The following RPIA variants were observed in gnomAD, a reference collection of about 807,000 sequenced individuals.
The protein encoded by RPIA is ribose 5-phosphate isomerase A, also known as ribose-5-phosphate isomerase.
Under a neutral mutation model 37.8 loss-of-function variants are expected in RPIA, and 29 were observed. The observed-to-expected ratio is 0.77, with a 90% CI of 0.57 to 1.05. The LOEUF (loss-of-function observed/expected upper bound fraction) is 1.05, where lower values mean the gene tolerates loss of function less well. Among genes scored for constraint, RPIA ranks in the 50% least tolerant of loss-of-function variants. The probability of loss-of-function intolerance (pLI) is 0.00; values close to 1 mark genes in which losing one functional copy is unlikely to be tolerated. For missense variants in RPIA, 385 were observed against 413.6 expected, an observed-to-expected ratio of 0.93 and a Z score of 0.60; for synonymous variants, 167 against 157.0, an observed-to-expected ratio of 1.06 and a Z score of -0.48.
chr2:88,746,857 A>T (rs1484034625), intron 8 of RPIA, among the ~76,000 whole-genome samples: 1 of 151,890 alleles, frequency 6.6e-6, no homozygotes, highest in South Asian at 2.1e-4. Flanking sequence ...TTCTGTTACG[A>T]GTTTCTGTAG....
chr2:88,738,841 T>A (rs1445987209), intron 8 of RPIA, among the ~76,000 whole-genome samples: 1 of 152,178 alleles, frequency 6.6e-6, no homozygotes, highest in Non-Finnish European at 1.5e-5. Flanking sequence ...TGAGAAAGGT[T>A]AAGCCATTTG....
intron 3 of RPIA, among the ~76,000 whole-genome samples, chr2:88,707,889 G>T (rs1672915877): frequency 6.6e-6 from 1 of 152,184 alleles, no homozygotes; most frequent in African/African-American, 2.4e-5. Context: ...CCTAAGTGGG[G>T]GCCTCTTGAT....
At chr2:88,745,216 G>T (rs1321204643) in intron 8 of RPIA, among the ~76,000 whole-genome samples, 5 of 152,100 alleles carry the variant, frequency 3.3e-5, no homozygotes, top group Middle Eastern at 3.2e-3. Flanking sequence ...TGCCTTGGCC[G>T]CCCACCAAGC....
At chr2:88,740,025 A>G (rs573213086) in intron 8 of RPIA, among the ~76,000 whole-genome samples, 16 of 152,340 alleles carry the variant, frequency 1.1e-4, no homozygotes, top group African/African-American at 3.8e-4. Flanking sequence ...TTCCCTCTTT[A>G]GTGGAAGAAC....
intron 8 of RPIA, 71 bp from the exon 9 acceptor site, chr2:88,749,910 C>T (rs1198170428): frequency 9.7e-7 from 1 of 1,032,368 alleles, no homozygotes; most frequent in Non-Finnish European, 1.5e-6. Flanking sequence ...TTCTAGTGAC[C>T]CTGCAGTCTT....
intron 1 of RPIA, 78 bp downstream of exon 1, chr2:88,692,061 C>T: frequency 6.7e-7 from 1 of 1,498,500 alleles, no homozygotes; most frequent in Non-Finnish European, 8.9e-7. Context: ...TGGGTGCTGC[C>T]GGGGCGCGCC....
intron 1 of RPIA, among the ~76,000 whole-genome samples, chr2:88,697,550 C>A (rs2104070210): frequency 6.6e-6 from 1 of 152,286 alleles, no homozygotes; most frequent in African/African-American, 2.4e-5. Context: ...CTTTGGTCTG[C>A]TTGCAGGTAC....
chr2:88,702,733 A>G lies in RPIA; in HGVS notation c.402+2669A>G, dbSNP rs183479335. 1.9e-3 allele frequency among the ~76,000 whole-genome samples: 291 copies of G among 152,264 alleles called. 1 individual carries two copies. The highest frequency in any genetic ancestry group is 9.3e-4 in the Non-Finnish European group (63 of 68,006). Reference sequence around the variant, plus strand: ...TGCAGCCAGCTCTGGAGCCTGCCAAATCTCATGTCCTTGCATTTCAAAACC... The same window carrying G: ...TGCAGCCAGCTCTGGAGCCTGCCAAGTCTCATGTCCTTGCATTTCAAAACC... On this transcript the variant is annotated intron_variant, in intron 3 of 8. Coordinates refer to ENST00000283646, the MANE Select transcript of RPIA (RefSeq NM_144563.3).
chr2:88,719,870 G>A (rs893131473), intron 3 of RPIA, among the ~76,000 whole-genome samples: 1 of 152,150 alleles, frequency 6.6e-6, no homozygotes, highest in Non-Finnish European at 1.5e-5. Flanking sequence ...TGACCCAGGT[G>A]CCCATATGCT....
intron 1 of RPIA, among the ~76,000 whole-genome samples, chr2:88,694,546 T>A (rs1676988636): frequency 6.6e-6 from 1 of 152,194 alleles, no homozygotes; most frequent in Non-Finnish European, 1.5e-5. Flanking sequence ...ACACACACAA[T>A]GTTTTTATCC....
chr2:88,699,927 G>A, intron 2 of RPIA, 82 bp from the exon 3 acceptor site: 2 of 1,436,918 alleles, frequency 1.4e-6, no homozygotes, highest in East Asian at 4.5e-5. Context: ...TCCCTTGTCT[G>A]TTGGTTTCGA....
chr2:88,691,907 C>A lies in RPIA; in HGVS notation c.209C>A (p.Pro70Gln). ...TSCGDSNSIC[P>Q]APSTMSKAEE... Reference sequence around the variant, plus strand: ...TGCGGGGACTCCAACAGCATCTGCCCGGCCCCCTCCACGATGTCCAAGGCC... The same window carrying A: ...TGCGGGGACTCCAACAGCATCTGCCAGGCCCCCTCCACGATGTCCAAGGCC... Residue 70 changes from proline (P) to glutamine (Q), a missense_variant, in exon 1 of 9, where the codon CCG (proline) becomes CAG (glutamine). This residue lies in a region of RPIA where 232 missense variants were observed against 203.0 expected (regional missense o/e 1.14). Transcript: ENST00000283646. 1.9e-6 allele frequency: 3 copies of A among 1,594,422 alleles called. No individual in the cohort carries two copies. The highest frequency in any genetic ancestry group is 2.3e-5 in the East Asian group (1 of 44,086).
intron 5 of RPIA, among the ~76,000 whole-genome samples, 175 bp downstream of exon 5, chr2:88,734,791 C>G (rs1673295546): frequency 6.6e-6 from 1 of 152,174 alleles, no homozygotes; most frequent in Admixed American, 6.5e-5. Flanking sequence ...TCATTAGCAG[C>G]AATTTACTGA....
At chr2:88,737,799 AT>A (rs1451427919) in intron 7 of RPIA, among the ~76,000 whole-genome samples, 177 bp from the exon 8 acceptor site, 1 of 152,074 alleles carries the variant, frequency 6.6e-6, no homozygotes, top group Non-Finnish European at 1.5e-5. Flanking sequence ...AAAGACTACA[AT>A]CTAAGTCTTT....
chr2:88,733,372 T>C (rs1405617772), intron 4 of RPIA, among the ~76,000 whole-genome samples: 2 of 152,168 alleles, frequency 1.3e-5, no homozygotes, highest in Non-Finnish European at 2.9e-5. Context: ...GTAGCCCATG[T>C]TTCTGTCATA....
intron 1 of RPIA, among the ~76,000 whole-genome samples, chr2:88,693,723 G>A (rs186717984): frequency 6.6e-6 from 1 of 152,350 alleles, no homozygotes; most frequent in African/African-American, 2.4e-5. Context: ...GTTATTGGAG[G>A]TTCTTTGTGT....
rs1231291226 is a variant in RPIA at position 88,726,355 on chromosome 2, G to T, written c.403-2923G>T. Among the ~76,000 whole-genome samples the T allele has an allele frequency of 2.0e-5, 3 of 151,906 alleles. No homozygotes were observed. In the East Asian group the frequency reaches 5.8e-4, roughly 29 times the overall value. The stretch of plus-strand genomic sequence containing the variant: ...TTCATAAACTTTCTTAAAACATTGA[G>T]TTTTTTTGTGATTTTTTTTTTTTAA... On this transcript the variant is annotated intron_variant, in intron 3 of 8. Coordinates refer to ENST00000283646, the MANE Select transcript of RPIA (RefSeq NM_144563.3).
At chr2:88,710,236 A>G (rs1045237476) in intron 3 of RPIA, among the ~76,000 whole-genome samples, 1 of 152,034 alleles carries the variant, frequency 6.6e-6, no homozygotes, top group Non-Finnish European at 1.5e-5. Flanking sequence ...TGTAGAGACG[A>G]TGTCTCACTA....
rs1673306889 is a variant in RPIA at position 88,735,717 on chromosome 2, C to T, written c.576C>T (p.Phe192=). ...TTGTGGCTGGCTATGCTAGTCGCTT[C>T]ATCGTGATCGCTGATTTCAGGTACA... ...EKIVAGYASR[F]IVIADFRKDS... is the part of the protein sequence containing the mutation. Residue 192 remains phenylalanine, a synonymous_variant, in exon 6 of 9, where the codon TTC becomes TTT. Coordinates refer to ENST00000283646, the MANE Select transcript of RPIA (RefSeq NM_144563.3). 6.2e-7 allele frequency: 1 copy of T among 1,614,094 alleles called. No individual in the cohort carries two copies. The highest frequency in any genetic ancestry group is 2.2e-5 in the East Asian group (1 of 44,878).
Sources: allele counts gnomAD v4.1 joint callset (sites outside exome capture counted in the v4.1 genomes callset), GRCh38; gene constraint gnomAD v4.1.1; regional missense constraint gnomAD v4.1.1; transcripts MANE v1.5; gene names NCBI Gene and HGNC (gene_info 2026-07-23, HGNC 2026-07-21).